The following ZBTB21 variants were observed in gnomAD, a reference collection of about 807,000 sequenced individuals.
ZBTB21 encodes the protein zinc finger and BTB domain-containing protein 21.
In ZBTB21, 10 loss-of-function variants were observed where a neutral mutation model predicts 39.8. The observed-to-expected ratio is 0.25, with a 90% CI of 0.16 to 0.43. The LOEUF (loss-of-function observed/expected upper bound fraction) is 0.43, where lower values mean the gene tolerates loss of function less well. Among genes scored for constraint, ZBTB21 ranks in the 20% least tolerant of loss-of-function variants. The pLI, the probability that ZBTB21 is intolerant of heterozygous loss-of-function variation, is 1.00. For synonymous variants in ZBTB21, 551 were observed against 498.8 expected (o/e 1.10, Z -1.40); for missense variants, 1,221 against 1,296.3 (o/e 0.94, Z 0.89).
At position 41,992,757 on chromosome 21, in the gene ZBTB21, T is replaced by C. The variant is rs757564523; in HGVS notation, c.1339A>G (p.Thr447Ala). The stretch of plus-strand genomic sequence containing the variant: ...GCTGTTGTTGCCGCATCTCCCACAG[T>C]GACGCGGATGATGTCCGAGGGGTCC... ...LSDPSDIIRV[T>A]VGDAATTAAA... Residue 447 changes from threonine to alanine, a missense_variant, in exon 3 of 3, where the codon ACT becomes GCT. Coordinates refer to ENST00000310826, the MANE Select transcript of ZBTB21 (RefSeq NM_001098402.2). This position sits in a 1 kb window ranked among gnomAD's most constrained non-coding sequence, Gnocchi z 4.1. The C allele has an allele frequency of 6.2e-7, 1 of 1,614,132 alleles. No individual in the cohort carries two copies. The highest frequency in any genetic ancestry group is 8.5e-7 in the Non-Finnish European group (1 of 1,180,030).
intron 1 of ZBTB21, among the ~76,000 whole-genome samples, chr21:42,006,284 G>A (rs143032437): frequency 0.063 from 9,597 of 151,850 alleles, 334 homozygotes; most frequent in Middle Eastern, 0.085. Context: ...GTGTGGTGAC[G>A]GGCGCCTGTA....
Position 41,988,162 on chromosome 21 carries a change from T to C in ZBTB21, c.*2733A>G, listed in dbSNP as rs922364549. On this transcript the variant is annotated 3_prime_UTR_variant, in exon 3 of 3. Transcript: ENST00000310826. ...ATATTTGTTACCTCCATTGCTTACT[T>C]TGAGTGATAAAAACATGTTTTATGT... 6.6e-6 allele frequency: 1 copy of C among 152,086 alleles called. No homozygotes were observed. Among genetic ancestry groups the C allele is most frequent in the Non-Finnish European group, 1.5e-5 (1 of 68,016 alleles). 9.4% of individuals were successfully genotyped at this position (152,086 alleles called of 1,614,324 possible). A position where few individuals can be genotyped will look rare whatever the true frequency, so the allele number is the denominator to read the frequency against.
At chr21:42,010,049 T>G (rs998475225) in intron 1 of ZBTB21, among the ~76,000 whole-genome samples, 1 of 152,114 alleles carries the variant, frequency 6.6e-6, no homozygotes, top group Non-Finnish European at 1.5e-5. Context: ...ATCGGCTACG[T>G]GGGAACCCGG....
At chr21:42,004,736 GAA>G (rs1434310453) in intron 1 of ZBTB21, among the ~76,000 whole-genome samples, 1 of 151,986 alleles carries the variant, frequency 6.6e-6, no homozygotes, top group Non-Finnish European at 1.5e-5. Flanking sequence ...CATGATACTA[GAA>G]AAAAGAGGGA....
At position 41,988,760 on chromosome 21, in the gene ZBTB21, ATTTTTT is replaced by A. The variant is rs397867393; in HGVS notation, c.*2129_*2134del. Reference sequence around the variant, plus strand: ...CAGAACCTATGTTTAGATCAAAAATATTTTTTTTTTTTACTGATTAACAATATTATT... The same window carrying A: ...CAGAACCTATGTTTAGATCAAAAATATTTTTTACTGATTAACAATATTATT... On this transcript the variant is annotated 3_prime_UTR_variant, in exon 3 of 3. Transcript: ENST00000310826. 2.0e-4 allele frequency: 29 copies of A among 147,772 alleles called. No homozygotes were observed. The highest frequency in any genetic ancestry group is 7.2e-4 in the African/African-American group (29 of 40,416). 9.2% of individuals were successfully genotyped at this position (147,772 alleles called of 1,614,324 possible). A position where few individuals can be genotyped will look rare whatever the true frequency, so the allele number is the denominator to read the frequency against.
chr21:41,994,147 T>C (rs2065714891), intron 2 of ZBTB21, 39 bp from the exon 3 acceptor site: 1 of 1,514,298 alleles, frequency 6.6e-7, no homozygotes, highest in African/African-American at 1.4e-5. Flanking sequence ...GATATTGCAG[T>C]GAAAAGTTCC....
At chr21:42,005,350 G>A (rs560772943) in intron 1 of ZBTB21, among the ~76,000 whole-genome samples, 4 of 152,248 alleles carry the variant, frequency 2.6e-5, no homozygotes, top group South Asian at 2.1e-4. Context: ...CTTTGTCCTC[G>A]GAATATGAAT....
intron 2 of ZBTB21, among the ~76,000 whole-genome samples, chr21:41,995,436 G>A (rs1345142876): frequency 6.6e-6 from 1 of 152,162 alleles, no homozygotes; most frequent in Admixed American, 6.5e-5. Flanking sequence ...AGAGATCTAT[G>A]GAACTTTCAA....
intron 2 of ZBTB21, among the ~76,000 whole-genome samples, chr21:42,000,596 C>T (rs1279335276): frequency 6.6e-6 from 1 of 152,174 alleles, no homozygotes; most frequent in Admixed American, 6.5e-5. Flanking sequence ...AAAAAAGCAA[C>T]ATTTGTGTCC....
At chr21:42,005,551 C>T (rs922699721) in intron 1 of ZBTB21, among the ~76,000 whole-genome samples, 9 of 152,138 alleles carry the variant, frequency 5.9e-5, no homozygotes, top group African/African-American at 2.2e-4. Flanking sequence ...CAATAAACTA[C>T]TTTTTCCATT....
At position 41,992,008 on chromosome 21, in the gene ZBTB21, T is replaced by G; in HGVS notation, c.2088A>C (p.Lys696Asn). 6.2e-7 allele frequency: 1 copy of G among 1,613,974 alleles called. No individual in the cohort carries two copies. ...KQHIKMHPGE[K>N]PLGVNKVAKP... ...TAGCAACTTTATTTACTCCAAGGGG[T>G]TTTTCTCCTGGATGCATTTTTATAT... is the stretch of plus-strand genomic sequence containing the variant. Residue 696 changes from lysine to asparagine, a missense_variant, in exon 3 of 3, where the codon AAA (lysine) becomes AAC (asparagine). Physicochemically the swap from Lys to Asn is moderately conservative, Grantham distance 94. Around this residue, in one of 4 missense-constraint regions of ZBTB21, gnomAD observed 523 missense variants for 542.5 expected, o/e 0.96. Coordinates refer to ENST00000310826, the MANE Select transcript of ZBTB21 (RefSeq NM_001098402.2). The surrounding 1 kb of genome is among the most constrained non-coding windows in gnomAD (Gnocchi z 4.1).
Position 41,992,496 on chromosome 21 carries a change from A to AT in ZBTB21, c.1599dup (p.Phe534IlefsTer3). The AT allele has an allele frequency of 6.2e-7, 1 of 1,614,186 alleles. No individual in the cohort carries two copies. Among genetic ancestry groups the AT allele is most frequent in the Non-Finnish European group, 8.5e-7 (1 of 1,180,036 alleles). ...GGTCTCGTCCCCTCCAACTCACCAA[A>AT]TTCGTCTTTATTCAAATCAGAATCT... On this transcript the variant is annotated frameshift_variant, in exon 3 of 3. Transcript: ENST00000310826. LOFTEE classifies it high-confidence loss of function. This position sits in a 1 kb window ranked among gnomAD's most constrained non-coding sequence, Gnocchi z 4.1.
At position 41,992,712 on chromosome 21, in the gene ZBTB21, C is replaced by T. The variant is rs2146284748; in HGVS notation, c.1384G>A (p.Val462Ile). 2 of 1,614,198 alleles carry T rather than the reference C, an allele frequency of 1.2e-6. No homozygotes were observed. Among genetic ancestry groups the T allele is most frequent in the East Asian group, 4.5e-5 (2 of 44,890 alleles). Residue 462 changes from valine to isoleucine, a missense_variant, in exon 3 of 3, where the codon GTC (valine) becomes ATC (isoleucine). Physicochemically the swap from Val to Ile is conservative, Grantham distance 29. Transcript: ENST00000310826. The surrounding 1 kb of genome is among the most constrained non-coding windows in gnomAD (Gnocchi z 4.1). ...ATTAAASSSS[V>I]TRDLSLKTED... is the part of the protein sequence containing the mutation. ...GTTTTCAGAGACAGGTCTCTTGTGA[C>T]CGACGAAGATGAGGCAGCTGCTGTT... is the stretch of plus-strand genomic sequence containing the variant.
chr21:42,007,940 T>C (rs1467175168), intron 1 of ZBTB21: 1 of 152,254 alleles, frequency 6.6e-6, no homozygotes, highest in Non-Finnish European at 1.5e-5. Context: ...TATCTCTGTT[T>C]AGACTCTTGA....
chr21:42,004,004 CT>C (rs35909811), intron 1 of ZBTB21, among the ~76,000 whole-genome samples: 71,414 of 134,742 alleles, frequency 0.53, 19,531 homozygotes, highest in African/African-American at 0.72. Flanking sequence ...TATCTCACAT[CT>C]TTTTTTTTTT....
rs1305581405 is a variant in ZBTB21, at chr21:41,991,408, G to T, written c.2688C>A (p.Ala896=). The change falls in exon 3 of 3, where the codon GCC becomes GCA. Residue 896 remains alanine (A), a synonymous_variant. Coordinates refer to ENST00000310826, the MANE Select transcript of ZBTB21 (RefSeq NM_001098402.2). The surrounding 1 kb of genome is among the most constrained non-coding windows in gnomAD (Gnocchi z 4.9). ...CTTTGCTAGGACCCGCTTCTTTGGGGGCTGTGCTGGCCTCGGGTGCCTCTT... is the reference window on the plus strand; with the variant it reads ...CTTTGCTAGGACCCGCTTCTTTGGGTGCTGTGCTGGCCTCGGGTGCCTCTT... ...AEEEAPEAST[A]PKEAGPSKEA... 1 of 1,610,108 alleles carries T rather than the reference G, an allele frequency of 6.2e-7. No individual in the cohort carries two copies. The highest frequency in any genetic ancestry group is 8.5e-7 in the Non-Finnish European group (1 of 1,178,434).
At chr21:42,004,135 G>A (rs1389621612) in intron 1 of ZBTB21, among the ~76,000 whole-genome samples, 1 of 151,920 alleles carries the variant, frequency 6.6e-6, no homozygotes, top group Admixed American at 6.6e-5. Flanking sequence ...GAGTAGCTGG[G>A]ACTACAGGCG....
intron 2 of ZBTB21, among the ~76,000 whole-genome samples, chr21:41,998,029 T>C (rs1601645102): frequency 6.6e-6 from 1 of 151,904 alleles, no homozygotes; most frequent in African/African-American, 2.4e-5. Context: ...CTTTCAGAAA[T>C]TGCAGGATTA....
intron 2 of ZBTB21, among the ~76,000 whole-genome samples, chr21:41,998,169 TC>T (rs1239962101): frequency 6.6e-6 from 1 of 151,644 alleles, no homozygotes; most frequent in East Asian, 1.9e-4. Flanking sequence ...AGGCTTCTGT[TC>T]CTCTAACACC....
Sources: allele counts gnomAD v4.1 joint callset (sites outside exome capture counted in the v4.1 genomes callset), GRCh38; gene constraint gnomAD v4.1.1; regional missense constraint gnomAD v4.1.1; non-coding constraint Gnocchi (gnomAD v3.1); transcripts MANE v1.5; gene names NCBI Gene and HGNC (gene_info 2026-07-23, HGNC 2026-07-21).